KIF16B: variants seen among roughly 807,000 people sequenced by gnomAD.
KIF16B encodes kinesin-like protein KIF16B.
KIF16B carries 98 observed loss-of-function variants against 156.3 expected under a neutral mutation model. The ratio of observed to expected loss-of-function variants is 0.63; its 90% CI spans 0.53 to 0.74. The LOEUF is 0.74. Among genes scored for constraint, KIF16B ranks in the 30% least tolerant of loss-of-function variants. The pLI is 0.00. For missense variants in KIF16B, 1,421 were observed against 1,606.5 expected, an observed-to-expected ratio of 0.88 and a Z score of 1.97; for synonymous variants, 564 against 583.7, an observed-to-expected ratio of 0.97 and a Z score of 0.49.
At chr20:16,407,510 T>G (rs189980597) in intron 15 of KIF16B, among the ~76,000 whole-genome samples, 1 of 152,220 alleles carries the variant, frequency 6.6e-6, no homozygotes, top group Admixed American at 6.5e-5. Flanking sequence ...GGGACAGGCT[T>G]CTGCACCAAG....
rs1026977452 is a variant in KIF16B, at chr20:16,323,180, C to T, written c.3712-10762G>A. Among the ~76,000 whole-genome samples the T allele has an allele frequency of 4.6e-5, 7 of 152,016 alleles. 1 individual carries two copies. The South Asian group carries it at 1.2e-3, about 27-fold the overall frequency. On this transcript the variant is annotated intron_variant, in intron 24 of 25. Coordinates refer to ENST00000354981, the MANE Select transcript of KIF16B (RefSeq NM_024704.5). ...TCATTTACTAGTCATTTTCTTTACTCCTGTGATATTTGGCTATCTAACTTT... is the reference window on the plus strand; with the variant it reads ...TCATTTACTAGTCATTTTCTTTACTTCTGTGATATTTGGCTATCTAACTTT...
At chr20:16,511,279 T>TCATGA in intron 6 of KIF16B, 139 bp downstream of exon 6, 2 of 471,504 alleles carry the variant, frequency 4.2e-6, no homozygotes, top group Non-Finnish European at 7.5e-6. Context: ...TAGTGACAGC[T>TCATGA]CATGACATTC....
chr20:16,562,069 T>G (rs2071082221), intron 1 of KIF16B, among the ~76,000 whole-genome samples: 4 of 152,222 alleles, frequency 2.6e-5, no homozygotes, highest in Admixed American at 2.6e-4. Flanking sequence ...AGGCATAATA[T>G]TACGGGAAGT....
Position 16,272,132 on chromosome 20 carries a change from T to C in KIF16B, c.*1121A>G, listed in dbSNP as rs1412992364. 1 of 152,658 alleles carries C rather than the reference T, an allele frequency of 6.6e-6. No individual in the cohort carries two copies. The highest frequency in any genetic ancestry group is 2.4e-5 in the African/African-American group (1 of 41,452). 9.5% of individuals were successfully genotyped at this position (152,658 alleles called of 1,614,324 possible). On this transcript the variant is annotated 3_prime_UTR_variant, in exon 26 of 26. Transcript: ENST00000354981. ...ATGCCATAACTTCATTTAATATTGA[T>C]AGCAGCTCAATTTAAATTTTGAAAA...
chr20:16,462,287 TAA>T (rs1288869235), intron 12 of KIF16B, among the ~76,000 whole-genome samples: 2 of 152,134 alleles, frequency 1.3e-5, no homozygotes, highest in African/African-American at 4.8e-5. Context: ...TACACTTTTC[TAA>T]AATGTGTCTA....
At chr20:16,277,120 G>T (rs1028929941) in intron 25 of KIF16B, among the ~76,000 whole-genome samples, 1 of 152,312 alleles carries the variant, frequency 6.6e-6, no homozygotes, top group South Asian at 2.1e-4. Context: ...AATCATTTGG[G>T]ATATACTCTT....
intron 22 of KIF16B, among the ~76,000 whole-genome samples, chr20:16,360,935 C>T (rs2123194704): frequency 6.6e-6 from 1 of 152,310 alleles, no homozygotes; most frequent in Middle Eastern, 3.4e-3. Context: ...TGAAACGGTC[C>T]AGGTCCTCAG....
chr20:16,429,379 T>C (rs2066440288), intron 13 of KIF16B, among the ~76,000 whole-genome samples: 1 of 152,192 alleles, frequency 6.6e-6, no homozygotes. Context: ...TGTTAAGTTA[T>C]GGGTCAGAGA....
chr20:16,544,118 G>A (rs549849309), intron 1 of KIF16B, among the ~76,000 whole-genome samples: 1 of 152,252 alleles, frequency 6.6e-6, no homozygotes, highest in East Asian at 1.9e-4. Context: ...CTGGACAGGA[G>A]AATCGAGACG....
chr20:16,294,478 T>C (rs2063354852), intron 25 of KIF16B, among the ~76,000 whole-genome samples: 1 of 152,156 alleles, frequency 6.6e-6, no homozygotes, highest in Admixed American at 6.5e-5. Flanking sequence ...CTGGGGACCC[T>C]TTGAGAGACA....
chr20:16,491,459 A>G (rs1314897345), intron 12 of KIF16B, among the ~76,000 whole-genome samples: 1 of 152,200 alleles, frequency 6.6e-6, no homozygotes, highest in Non-Finnish European at 1.5e-5. Context: ...ACTCTCTCTC[A>G]TTACCTAACT....
chr20:16,315,499 GGGGATCTA>G (rs777096393), intron 24 of KIF16B, among the ~76,000 whole-genome samples: 2 of 152,194 alleles, frequency 1.3e-5, no homozygotes, highest in Non-Finnish European at 2.9e-5. Context: ...CAAAGTCTTT[GGGGATCTA>G]GGGTAAAGAT....
At chr20:16,398,155 T>C (rs2065559584) in intron 17 of KIF16B, among the ~76,000 whole-genome samples, 1 of 152,194 alleles carries the variant, frequency 6.6e-6, no homozygotes, top group African/African-American at 2.4e-5. Context: ...GATACGACTC[T>C]ATGCTCAGCT....
At chr20:16,468,417 C>T (rs1046114376) in intron 12 of KIF16B, among the ~76,000 whole-genome samples, 6 of 151,134 alleles carry the variant, frequency 4.0e-5, no homozygotes, top group Non-Finnish European at 8.9e-5. Flanking sequence ...ATCACAAATA[C>T]ACAAAAAAAT....
At chr20:16,313,967 C>T (rs769181639) in intron 24 of KIF16B, among the ~76,000 whole-genome samples, 109 of 152,150 alleles carry the variant, frequency 7.2e-4, no homozygotes, top group Admixed American at 6.5e-3. Context: ...GTTGCAAATG[C>T]TGGGTTATAG....
intron 12 of KIF16B, among the ~76,000 whole-genome samples, chr20:16,461,955 T>G (rs371894436): frequency 6.6e-6 from 1 of 152,102 alleles, no homozygotes; most frequent in Non-Finnish European, 1.5e-5. Flanking sequence ...GGGTATAAAT[T>G]TCCAGATCTA....
intron 12 of KIF16B, among the ~76,000 whole-genome samples, chr20:16,456,630 A>G (rs2067219130): frequency 6.6e-6 from 1 of 152,206 alleles, no homozygotes; most frequent in African/African-American, 2.4e-5. Flanking sequence ...CCCAAATTAC[A>G]TAAGTGGTAA....
In KIF16B at chr20:16,428,294, C is replaced by T. The variant is rs1027823865; in HGVS notation, c.1474+659G>A. Among the ~76,000 whole-genome samples the T allele has an allele frequency of 5.9e-5, 9 of 152,238 alleles. No individual in the cohort carries two copies. In the South Asian group the frequency reaches 1.9e-3, roughly 31 times the overall value. Reference sequence around the variant, plus strand: ...TTACACTTGGCAAGCAGGTTCATTGCCAGCAATTCTAAAAGCAGCTGAGAC... The same window carrying T: ...TTACACTTGGCAAGCAGGTTCATTGTCAGCAATTCTAAAAGCAGCTGAGAC... On this transcript the variant is annotated intron_variant, in intron 14 of 25. Coordinates refer to ENST00000354981, the MANE Select transcript of KIF16B (RefSeq NM_024704.5).
chr20:16,424,464 A>T (rs1020816397), intron 15 of KIF16B, among the ~76,000 whole-genome samples: 2 of 152,222 alleles, frequency 1.3e-5, no homozygotes, highest in African/African-American at 4.8e-5. Flanking sequence ...TGAATAAACT[A>T]CATGCTTTCC....
Sources: allele counts gnomAD v4.1 joint callset (sites outside exome capture counted in the v4.1 genomes callset), GRCh38; gene constraint gnomAD v4.1.1; transcripts MANE v1.5; gene names NCBI Gene and HGNC (gene_info 2026-07-23, HGNC 2026-07-21).